AFG2A: variants seen among roughly 807,000 people sequenced by gnomAD.
The protein encoded by AFG2A is AAA ATPase AFG2A.
chr4:123,140,443 T>G, the AFG2A span, among the ~76,000 whole-genome samples: 3 of 151,856 alleles, frequency 2.0e-5, no homozygotes, highest in Non-Finnish European at 4.4e-5. Flanking sequence ...GCTTATTTAT[T>G]GAGTCAATGC....
chr4:122,999,138 T>C, the AFG2A span, among the ~76,000 whole-genome samples: 3 of 83,688 alleles, frequency 3.6e-5, no homozygotes, highest in Non-Finnish European at 8.6e-5. Flanking sequence ...TCATATCCTT[T>C]GCCCACTTGT....
chr4:123,009,450 A>C, the AFG2A span, among the ~76,000 whole-genome samples: 1 of 152,162 alleles, frequency 6.6e-6, no homozygotes, highest in Non-Finnish European at 1.5e-5. Flanking sequence ...ATACTGGGAT[A>C]TTGTGCCTGA....
the AFG2A span, among the ~76,000 whole-genome samples, chr4:122,932,816 C>G: frequency 2.0e-5 from 3 of 152,182 alleles, no homozygotes; most frequent in Admixed American, 1.3e-4. Context: ...TTTCCTACTT[C>G]TGCCTTTTCA....
At chr4:123,283,024 G>A in the AFG2A span, among the ~76,000 whole-genome samples, 1 of 152,016 alleles carries the variant, frequency 6.6e-6, no homozygotes, top group Non-Finnish European at 1.5e-5. Context: ...GCACTTTTAT[G>A]TTTTGTCCCT....
chr4:123,079,523 T>C, the AFG2A span, among the ~76,000 whole-genome samples: 1 of 152,040 alleles, frequency 6.6e-6, no homozygotes, highest in East Asian at 1.9e-4. Context: ...TGGAACTGTT[T>C]AGTTATGTTC....
the AFG2A span, chr4:123,102,317 AAGC>A: frequency 6.6e-6 from 1 of 151,540 alleles, no homozygotes; most frequent in African/African-American, 2.4e-5. Context: ...AAAAAAGAAA[AAGC>A]AATCAATCAG....
the AFG2A span, among the ~76,000 whole-genome samples, chr4:122,936,365 A>C: frequency 6.6e-6 from 1 of 152,260 alleles, no homozygotes; most frequent in African/African-American, 2.4e-5. Context: ...TAGAAGAATT[A>C]AGACATAGTG....
At chr4:123,002,999 C>T in the AFG2A span, among the ~76,000 whole-genome samples, 5 of 152,180 alleles carry the variant, frequency 3.3e-5, no homozygotes, top group East Asian at 1.9e-4. Flanking sequence ...AGGCTTTGTT[C>T]ATTTCTTTTT....
the AFG2A span, among the ~76,000 whole-genome samples, chr4:123,136,266 G>C: frequency 6.6e-6 from 1 of 152,160 alleles, no homozygotes; most frequent in Admixed American, 6.5e-5. Flanking sequence ...GGGTGCGGTG[G>C]CTTACGCCTA....
chr4:123,289,704 T>C, the AFG2A span, among the ~76,000 whole-genome samples: 1 of 152,208 alleles, frequency 6.6e-6, no homozygotes, highest in Non-Finnish European at 1.5e-5. Context: ...TTTTTTGTCT[T>C]TTTAGTAACA....
At chr4:123,161,848 T>C in the AFG2A span, among the ~76,000 whole-genome samples, 937 of 152,212 alleles carry the variant, frequency 6.2e-3, 10 homozygotes, top group African/African-American at 0.021. Flanking sequence ...ATGAGTGATA[T>C]TGTAATGTAT....
At chr4:123,001,791 G>A in the AFG2A span, among the ~76,000 whole-genome samples, 5 of 152,138 alleles carry the variant, frequency 3.3e-5, no homozygotes, top group African/African-American at 1.2e-4. Context: ...TTGATTTGGG[G>A]TGGAGAGTTC....
chr4:122,957,729 TTTGTTGTTG>T, the AFG2A span, among the ~76,000 whole-genome samples: 2 of 152,116 alleles, frequency 1.3e-5, no homozygotes, highest in African/African-American at 2.4e-5. Flanking sequence ...ACATCTGTTT[TTTGTTGTTG>T]TTGTTGTTGT....
chr4:123,186,107 G>A, the AFG2A span, among the ~76,000 whole-genome samples: 1 of 152,136 alleles, frequency 6.6e-6, no homozygotes, highest in Non-Finnish European at 1.5e-5. Context: ...TGGATCATAA[G>A]TAGTTAATCT....
At chr4:122,943,606 CT>C in the AFG2A span, among the ~76,000 whole-genome samples, 1 of 152,038 alleles carries the variant, frequency 6.6e-6, no homozygotes, top group South Asian at 2.1e-4. Flanking sequence ...CAGTCTGTGT[CT>C]TTTAATTGGA....
the AFG2A span, among the ~76,000 whole-genome samples, chr4:123,297,563 C>G: frequency 6.6e-6 from 1 of 151,682 alleles, no homozygotes; most frequent in South Asian, 2.1e-4. Flanking sequence ...ACTAAAAATA[C>G]AAAAAATTAG....
chr4:123,020,414 G>A, the AFG2A span, among the ~76,000 whole-genome samples: 1 of 151,256 alleles, frequency 6.6e-6, no homozygotes. Flanking sequence ...TGGCGTTCAG[G>A]CTGGAGTTCA....
At chr4:122,962,757 C>CT in the AFG2A span, among the ~76,000 whole-genome samples, 1 of 152,136 alleles carries the variant, frequency 6.6e-6, no homozygotes, top group African/African-American at 2.4e-5. Context: ...TTCTCTTACT[C>CT]TTTTTTTATC....
chr4:123,272,934 T>C, the AFG2A span, among the ~76,000 whole-genome samples: 1 of 151,834 alleles, frequency 6.6e-6, no homozygotes, highest in Admixed American at 6.6e-5. Flanking sequence ...GCAGAGAGAA[T>C]AGAGTGAAAA....
Sources: gnomAD v4.1 joint callset for allele counts (sites outside exome capture counted in the v4.1 genomes callset) on GRCh38, gnomAD v4.1.1 for gene constraint, MANE v1.5 for transcripts, NCBI Gene and HGNC (gene_info 2026-07-23, HGNC 2026-07-21) for gene names.